The following DIP2C variants were observed in gnomAD, a reference collection of about 807,000 sequenced individuals.
DIP2C encodes the protein disco-interacting protein 2 homolog C.
DIP2C carries 33 observed loss-of-function variants against 192.4 expected under a neutral mutation model. The ratio of observed to expected loss-of-function variants is 0.17; its 90% CI spans 0.13 to 0.23. The LOEUF (loss-of-function observed/expected upper bound fraction) is 0.23. Among genes scored for constraint, DIP2C ranks in the 10% least tolerant of loss-of-function variants. The pLI is 1.00. For synonymous variants in DIP2C, 979 were observed against 864.1 expected (o/e 1.13, Z -2.33); for missense variants, 1,537 against 2,110.1 (o/e 0.73, Z 5.32).
chr10:400,620 G>A (rs1202173491), intron 9 of DIP2C, among the ~76,000 whole-genome samples: 4 of 150,918 alleles, frequency 2.7e-5, no homozygotes, highest in African/African-American at 9.8e-5. Context: ...ATCAGCACAT[G>A]AATCCTGTGA....
intron 1 of DIP2C, among the ~76,000 whole-genome samples, chr10:487,920 T>C (rs776651792): frequency 1.3e-5 from 2 of 152,214 alleles, no homozygotes; most frequent in African/African-American, 2.4e-5. Flanking sequence ...GGACAATTTC[T>C]GCAGAAATGT....
Position 373,084 on chromosome 10 carries a change from C to G in DIP2C, c.1992-3451G>C, listed in dbSNP as rs563611408. ...GGCACAGAAAGGTTGACTTCACTGC[C>G]CAAGTGGGTGGTGGGGCTCGGCAGG... is the stretch of plus-strand genomic sequence containing the variant. On this transcript the variant is annotated intron_variant, in intron 17 of 36. Transcript: ENST00000280886. Among the ~76,000 whole-genome samples the G allele has an allele frequency of 3.3e-5, 5 of 152,324 alleles. No homozygotes were observed. The South Asian group carries it at 1.0e-3, about 32-fold the overall frequency.
At chr10:452,831 C>T (rs1000566507) in intron 3 of DIP2C, among the ~76,000 whole-genome samples, 3 of 152,132 alleles carry the variant, frequency 2.0e-5, no homozygotes, top group African/African-American at 7.2e-5. Context: ...ACAGGTGAGG[C>T]GAGAGAAGAG....
intron 1 of DIP2C, among the ~76,000 whole-genome samples, chr10:601,784 G>A (rs1240109050): frequency 3.3e-5 from 5 of 152,336 alleles, no homozygotes; most frequent in Admixed American, 3.3e-4. Flanking sequence ...AGGCCAGGAG[G>A]AAGCGGCTGG....
At chr10:610,867 G>C (rs1271421711) in intron 1 of DIP2C, among the ~76,000 whole-genome samples, 1 of 147,092 alleles carries the variant, frequency 6.8e-6, no homozygotes, top group African/African-American at 2.6e-5. Context: ...CATGGGGGTG[G>C]TTTCTAACCC....
At chr10:485,215 G>T (rs1260206617) in intron 2 of DIP2C, among the ~76,000 whole-genome samples, 1 of 152,220 alleles carries the variant, frequency 6.6e-6, no homozygotes, top group Non-Finnish European at 1.5e-5. Context: ...CAGCGTCCGT[G>T]GCCTACAGTC....
chr10:409,118 G>A (rs1012759292), intron 8 of DIP2C, 101 bp from the exon 9 acceptor site: 51 of 1,208,524 alleles, frequency 4.2e-5, no homozygotes, highest in African/African-American at 3.0e-5. Flanking sequence ...TGCTTCCTGC[G>A]TATCATGGTC....
intron 24 of DIP2C, among the ~76,000 whole-genome samples, chr10:353,775 G>A (rs974648502): frequency 3.3e-5 from 5 of 152,200 alleles, no homozygotes; most frequent in African/African-American, 1.2e-4. Context: ...AGCAGCGGCT[G>A]GGGGGCTGGT....
intron 29 of DIP2C, among the ~76,000 whole-genome samples, chr10:337,090 GGT>G (rs1265062749): frequency 1.6e-4 from 14 of 87,834 alleles, no homozygotes; most frequent in Admixed American, 1.0e-3. Flanking sequence ...GGCCTAGACT[GGT>G]GTGTGTGTGC....
intron 3 of DIP2C, among the ~76,000 whole-genome samples, chr10:451,769 A>C (rs1300147607): frequency 6.6e-6 from 1 of 152,230 alleles, no homozygotes; most frequent in African/African-American, 2.4e-5. Flanking sequence ...GAATGAGGCC[A>C]TAGAGCACAC....
chr10:369,330 A>G (rs1960677914), intron 18 of DIP2C, among the ~76,000 whole-genome samples, 164 bp downstream of exon 18: 1 of 152,228 alleles, frequency 6.6e-6, no homozygotes, highest in Non-Finnish European at 1.5e-5. Context: ...ACACTGCCTC[A>G]AATGTCTGAA....
At chr10:470,555 A>G (rs375463145) in intron 3 of DIP2C, among the ~76,000 whole-genome samples, 129 of 152,278 alleles carry the variant, frequency 8.5e-4, no homozygotes, top group African/African-American at 2.8e-3. Flanking sequence ...GGCTTTTATC[A>G]AGAGAGAAGA....
At chr10:601,768 G>A (rs1450226442) in intron 1 of DIP2C, among the ~76,000 whole-genome samples, 1 of 152,230 alleles carries the variant, frequency 6.6e-6, no homozygotes, top group East Asian at 1.9e-4. Context: ...CAGGGAAGGG[G>A]GAACAAGGCC....
intron 31 of DIP2C, among the ~76,000 whole-genome samples, chr10:310,400 G>A (rs528283488): frequency 1.2e-4 from 19 of 152,334 alleles, no homozygotes; most frequent in East Asian, 9.6e-4. Flanking sequence ...CTGCCAAGAC[G>A]GCGCTGCAAA....
chr10:348,636 G>A lies in DIP2C; in HGVS notation c.3231+5C>T, dbSNP rs998354903. The stretch of plus-strand genomic sequence containing the variant: ...TGGAGGCCCCGACATTCCCAGGCAT[G>A]TTACCTCCACAATCATCTTGACGGT... On this transcript the variant is annotated splice_donor_5th_base_variant and intron_variant, in intron 26 of 36. Coordinates refer to ENST00000280886, the MANE Select transcript of DIP2C (RefSeq NM_014974.3). 1 of 1,612,296 alleles carries A rather than the reference G, an allele frequency of 6.2e-7. No individual in the cohort carries two copies. Among genetic ancestry groups the A allele is most frequent in the African/African-American group, 1.3e-5 (1 of 74,778 alleles).
intron 9 of DIP2C, among the ~76,000 whole-genome samples, chr10:404,291 C>T (rs1344269250): frequency 6.6e-6 from 1 of 151,942 alleles, no homozygotes; most frequent in African/African-American, 2.4e-5. Context: ...TCACTGCAAC[C>T]TCTGCTTCCC....
At chr10:439,441 C>T (rs1967549278) in intron 4 of DIP2C, among the ~76,000 whole-genome samples, 2 of 151,626 alleles carry the variant, frequency 1.3e-5, no homozygotes, top group Admixed American at 6.5e-5. Context: ...AACATAGGAA[C>T]ACCCTGTCTC....
chr10:536,223 T>C (rs1386754134), intron 1 of DIP2C, among the ~76,000 whole-genome samples: 1 of 152,238 alleles, frequency 6.6e-6, no homozygotes, highest in Non-Finnish European at 1.5e-5. Flanking sequence ...TCTCTGCCTC[T>C]GCCTTCACAC....
intron 3 of DIP2C, among the ~76,000 whole-genome samples, chr10:446,543 T>C (rs6560842): frequency 0.16 from 24,717 of 152,278 alleles, 5,221 homozygotes; most frequent in African/African-American, 0.49. Context: ...AAGTGTCTCA[T>C]GCCTTCCAAG....
Sources: allele counts gnomAD v4.1 joint callset (sites outside exome capture counted in the v4.1 genomes callset), GRCh38; gene constraint gnomAD v4.1.1; transcripts MANE v1.5; gene names NCBI Gene and HGNC (gene_info 2026-07-23, HGNC 2026-07-21).